ZNF83: variants seen among roughly 807,000 people sequenced by gnomAD.
The protein encoded by ZNF83 is zinc finger protein 83, also known as zinc finger protein 816B.
For missense variants in ZNF83, 552 were observed against 629.9 expected (o/e 0.88, Z 1.32); for synonymous variants, 209 against 213.0 (o/e 0.98, Z 0.17).
intron 2 of ZNF83, among the ~76,000 whole-genome samples, chr19:52,621,108 T>G (rs1300259897): frequency 6.6e-6 from 1 of 152,148 alleles, no homozygotes; most frequent in Non-Finnish European, 1.5e-5. Context: ...GGGACATACG[T>G]GACATTTGGT....
chr19:52,679,355 A>T (rs757750241), intron 1 of ZNF83, among the ~76,000 whole-genome samples: 1 of 152,204 alleles, frequency 6.6e-6, no homozygotes, highest in Non-Finnish European at 1.5e-5. Context: ...TCATGCCTGT[A>T]ATCCCAGCAC....
At chr19:52,652,938 T>C (rs2061461768) in intron 3 of ZNF83, 1 of 1,210,004 alleles carries the variant, frequency 8.3e-7, no homozygotes. Flanking sequence ...ATACAAAGGA[T>C]GACATATGAC....
At chr19:52,659,618 A>AAAAT in intron 2 of ZNF83, among the ~76,000 whole-genome samples, 1 of 152,094 alleles carries the variant, frequency 6.6e-6, no homozygotes, top group African/African-American at 2.4e-5. Flanking sequence ...CAACTCAAAA[A>AAAAT]AAAAAAAAAG....
At chr19:52,655,366 T>G in intron 3 of ZNF83, 1 of 531,776 alleles carries the variant, frequency 1.9e-6, no homozygotes, top group Non-Finnish European at 3.3e-6. Flanking sequence ...AATGTTCTGT[T>G]TTTATGTAAA....
At chr19:52,616,092 G>C (rs1222606568) in intron 2 of ZNF83, among the ~76,000 whole-genome samples, 2 of 152,142 alleles carry the variant, frequency 1.3e-5, no homozygotes, top group Non-Finnish European at 2.9e-5. Context: ...CCCACCTTGG[G>C]CTCCCAAAGT....
At chr19:52,645,257 A>C (rs1009638114) in intron 3 of ZNF83, among the ~76,000 whole-genome samples, 7 of 152,224 alleles carry the variant, frequency 4.6e-5, no homozygotes, top group African/African-American at 1.7e-4. Context: ...ACACTGAAAC[A>C]ATCAAACCTC....
chr19:52,675,152 G>A (rs1383783809), intron 1 of ZNF83, among the ~76,000 whole-genome samples: 7 of 152,150 alleles, frequency 4.6e-5, no homozygotes, highest in Admixed American at 2.0e-4. Flanking sequence ...TAAAGCTTGC[G>A]TTACTTGAAG....
At chr19:52,688,787 C>A (rs2062091670) in intron 1 of ZNF83, among the ~76,000 whole-genome samples, 1 of 151,882 alleles carries the variant, frequency 6.6e-6, no homozygotes, top group Admixed American at 6.6e-5. Flanking sequence ...AAAGCTAAGG[C>A]CCACAATGTG....
At chr19:52,675,255 T>C (rs2061783352) in intron 1 of ZNF83, among the ~76,000 whole-genome samples, 1 of 152,212 alleles carries the variant, frequency 6.6e-6, no homozygotes, top group African/African-American at 2.4e-5. Flanking sequence ...TTCATGTACT[T>C]CACCCCAATT....
chr19:52,631,185 T>A (rs1309936408), intron 2 of ZNF83, among the ~76,000 whole-genome samples: 1 of 150,176 alleles, frequency 6.7e-6, no homozygotes, highest in Admixed American at 6.7e-5. Context: ...CCAAATTTCT[T>A]CCTCATCTGT....
chr19:52,690,214 G>T (rs1239353603), intron 1 of ZNF83, among the ~76,000 whole-genome samples: 1 of 151,112 alleles, frequency 6.6e-6, no homozygotes, highest in African/African-American at 2.4e-5. Flanking sequence ...ACAACTACGC[G>T]ATAGGAAGTG....
chr19:52,655,939 G>A (rs980689507), intron 2 of ZNF83, among the ~76,000 whole-genome samples: 19 of 152,114 alleles, frequency 1.2e-4, no homozygotes, highest in Non-Finnish European at 2.2e-4. Context: ...GTCTGGGCAC[G>A]GTGGCTCACA....
intron 1 of ZNF83, among the ~76,000 whole-genome samples, chr19:52,637,261 A>G (rs1335991674): frequency 6.6e-6 from 1 of 151,856 alleles, no homozygotes; most frequent in Non-Finnish European, 1.5e-5. Flanking sequence ...TCTCCCTGTT[A>G]AATTCCGTCT....
intron 2 of ZNF83, among the ~76,000 whole-genome samples, chr19:52,623,384 C>G (rs1399116741): frequency 6.6e-6 from 1 of 152,212 alleles, no homozygotes. Flanking sequence ...GCCTCCATAA[C>G]TGTTGTGGGT....
chr19:52,655,333 T>C (rs2061491621), intron 3 of ZNF83: 3 of 418,556 alleles, frequency 7.2e-6, no homozygotes, highest in South Asian at 7.0e-5. Context: ...TGACGTTCAA[T>C]TCTATTAGTC....
In ZNF83 at chr19:52,627,300, A is replaced by C. The variant is rs575314048; in HGVS notation, c.-234+7766T>G. Among the ~76,000 whole-genome samples the C allele has an allele frequency of 2.4e-3, 367 of 152,140 alleles. 1 individual carries two copies. Among genetic ancestry groups the C allele is most frequent in the Middle Eastern group, 3.4e-3 (1 of 294 alleles). On this transcript the variant is annotated intron_variant, in intron 2 of 2. Coordinates refer to ENST00000301096, the Ensembl canonical transcript of ZNF83. Reference sequence around the variant, plus strand: ...AAAGCCTATTTGGTGGTCTCTTCACACAGACGAGCATGACACTGCAGTCTA... The same window carrying C: ...AAAGCCTATTTGGTGGTCTCTTCACCCAGACGAGCATGACACTGCAGTCTA...
intron 2 of ZNF83, among the ~76,000 whole-genome samples, chr19:52,630,387 T>TG (rs1391380899): frequency 1.1e-4 from 16 of 152,208 alleles, no homozygotes; most frequent in Non-Finnish European, 2.1e-4. Context: ...TTCAAGGGCC[T>TG]GTTTCTCTTG....
chr19:52,646,497 G>C (rs991165292), intron 3 of ZNF83, among the ~76,000 whole-genome samples: 2 of 152,124 alleles, frequency 1.3e-5, no homozygotes, highest in Admixed American at 1.3e-4. Flanking sequence ...TACAGTTAGA[G>C]GAGATCACTC....
intron 2 of ZNF83, among the ~76,000 whole-genome samples, chr19:52,660,064 G>A (rs1371470337): frequency 3.3e-5 from 5 of 152,164 alleles, no homozygotes; most frequent in South Asian, 2.1e-4. Context: ...GGTGGTGTGC[G>A]ACTGTAATCC....
Sources: gnomAD v4.1 joint callset for allele counts (sites outside exome capture counted in the v4.1 genomes callset) on GRCh38, gnomAD v4.1.1 for gene constraint, MANE v1.5 for transcripts, NCBI Gene and HGNC (gene_info 2026-07-23, HGNC 2026-07-21) for gene names.